PCED1B: variants seen among roughly 807,000 people sequenced by gnomAD.
PCED1B encodes PC-esterase domain-containing protein 1B.
For synonymous variants in PCED1B, 251 were observed against 246.1 expected, an observed-to-expected ratio of 1.02 and a Z score of -0.19; for missense variants, 573 against 573.9, an observed-to-expected ratio of 1.00 and a Z score of 0.02.
intron 2 of PCED1B, among the ~76,000 whole-genome samples, chr12:47,150,345 GCAGGAGGAT>G (rs1212373305): frequency 1.3e-5 from 2 of 152,022 alleles, no homozygotes; most frequent in African/African-American, 2.4e-5. Context: ...GGAGGTCAAG[GCAGGAGGAT>G]CATGAGGTCA....
chr12:47,192,472 T>A (rs1179950840), intron 2 of PCED1B, among the ~76,000 whole-genome samples: 1 of 152,202 alleles, frequency 6.6e-6, no homozygotes, highest in Non-Finnish European at 1.5e-5. Context: ...AAATGGTAAA[T>A]GATTTCATTC....
intron 1 of PCED1B, among the ~76,000 whole-genome samples, chr12:47,100,029 C>T (rs1024872587): frequency 1.3e-5 from 2 of 152,188 alleles, no homozygotes; most frequent in Admixed American, 1.3e-4. Context: ...GGAAAAAGGA[C>T]CATTCTCACA....
At chr12:47,195,069 C>T (rs1204235045) in intron 2 of PCED1B, among the ~76,000 whole-genome samples, 4 of 152,140 alleles carry the variant, frequency 2.6e-5, no homozygotes, top group Admixed American at 6.5e-5. Context: ...CGGTGGCTCA[C>T]GCCTATAATC....
At chr12:47,222,617 C>A (rs1435035145) in intron 3 of PCED1B, among the ~76,000 whole-genome samples, 1 of 152,024 alleles carries the variant, frequency 6.6e-6, no homozygotes, top group South Asian at 2.1e-4. Context: ...AGAAATGTGG[C>A]GGTGTCATGC....
At chr12:47,168,391 ATAT>A (rs1316258983) in intron 2 of PCED1B, among the ~76,000 whole-genome samples, 1 of 152,046 alleles carries the variant, frequency 6.6e-6, no homozygotes, top group Non-Finnish European at 1.5e-5. Context: ...TCAGTGTCTT[ATAT>A]TTGATTGTCT....
intron 2 of PCED1B, among the ~76,000 whole-genome samples, chr12:47,147,938 C>T (rs1451100985): frequency 6.6e-6 from 1 of 152,198 alleles, no homozygotes; most frequent in African/African-American, 2.4e-5. Context: ...CTTCTGGATA[C>T]CAATTTTCTT....
rs370732880 is a variant in PCED1B at position 47,235,279 on chromosome 12, C to T, written c.216C>T (p.Asn72=). 2.3e-5 allele frequency: 37 copies of T among 1,613,924 alleles called. No individual in the cohort carries two copies. The East Asian group carries it at 7.1e-4, about 31-fold the overall frequency. Residue 72 remains asparagine (N), a synonymous_variant, in exon 4 of 4, where the codon AAC becomes AAT. Coordinates refer to ENST00000546455, the MANE Select transcript of PCED1B (RefSeq NM_138371.3). ...VDGGQRGHMH[N]GLNYREVREF... ...GAGGCCAGCGGGGCCACATGCACAA[C>T]GGCCTTAACTACCGTGAGGTCCGCG...
intron 2 of PCED1B, among the ~76,000 whole-genome samples, chr12:47,111,825 G>A (rs989205564): frequency 9.2e-5 from 14 of 152,146 alleles, no homozygotes; most frequent in Non-Finnish European, 1.6e-4. Context: ...TTTATTTACA[G>A]ATCTTATTAG....
At chr12:47,111,503 G>A (rs1013981290) in intron 2 of PCED1B, among the ~76,000 whole-genome samples, 1 of 151,490 alleles carries the variant, frequency 6.6e-6, no homozygotes, top group Non-Finnish European at 1.5e-5. Flanking sequence ...TCACTTTATT[G>A]TGCCACTGTC....
At chr12:47,220,863 G>A (rs971217291) in intron 3 of PCED1B, among the ~76,000 whole-genome samples, 4 of 152,140 alleles carry the variant, frequency 2.6e-5, no homozygotes, top group African/African-American at 9.7e-5. Flanking sequence ...TTCAGTAACA[G>A]GAAAGGGTTG....
At position 47,156,242 on chromosome 12, in the gene PCED1B, GT is replaced by G. The variant is rs574146715; in HGVS notation, c.-526+52051del. Among the ~76,000 whole-genome samples the G allele has an allele frequency of 1.1e-4, 16 of 152,260 alleles. No homozygotes were observed. In the East Asian group the frequency reaches 3.1e-3, roughly 29 times the overall value. ...CAAAAATATAAAGCCTTGAGGTAGT[GT>G]TTTATCACTATTTATTATTGTATCC... On this transcript the variant is annotated intron_variant, in intron 2 of 3. Coordinates refer to ENST00000546455, the MANE Select transcript of PCED1B (RefSeq NM_138371.3).
At position 47,092,830 on chromosome 12, in the gene PCED1B, G is replaced by A. The variant is rs570164740; in HGVS notation, c.-608-11283G>A. Among the ~76,000 whole-genome samples the A allele has an allele frequency of 3.5e-3, 391 of 111,920 alleles. 4 individuals are homozygous for A. The highest frequency in any genetic ancestry group is 0.011 in the African/African-American group (379 of 34,536). The allele number at this position is 111,920 out of a possible 152,430, so 73.4% of individuals were successfully genotyped here. A position where few individuals can be genotyped will look rare whatever the true frequency, so the allele number is the denominator to read the frequency against. ...TATGTTTATGATTTTTGAATGGTAA[G>A]CCACACTTGTACACTTGGACTGAAC... On this transcript the variant is annotated intron_variant, in intron 1 of 3. Transcript: ENST00000546455.
At chr12:47,232,945 A>T (rs556470970) in intron 3 of PCED1B, among the ~76,000 whole-genome samples, 1 of 140,064 alleles carries the variant, frequency 7.1e-6, no homozygotes. Flanking sequence ...TTATTTATTT[A>T]ATTTATTTAG....
intron 2 of PCED1B, among the ~76,000 whole-genome samples, chr12:47,111,571 TA>T (rs997523884): frequency 1.9e-3 from 287 of 150,914 alleles, no homozygotes; most frequent in African/African-American, 5.2e-3. Flanking sequence ...CCAAACACAT[TA>T]AAAAAAAACC....
chr12:47,126,791 C>T (rs1168421207), intron 2 of PCED1B, among the ~76,000 whole-genome samples: 1 of 152,042 alleles, frequency 6.6e-6, no homozygotes, highest in African/African-American at 2.4e-5. Flanking sequence ...GCATAAAATT[C>T]TTCATAATAT....
At chr12:47,176,201 C>G (rs2137578044) in intron 2 of PCED1B, among the ~76,000 whole-genome samples, 1 of 152,178 alleles carries the variant, frequency 6.6e-6, no homozygotes, top group African/African-American at 2.4e-5. Context: ...GGTCTTTATC[C>G]TCAATTCCTG....
intron 1 of PCED1B, among the ~76,000 whole-genome samples, chr12:47,081,050 G>C (rs1468776638): frequency 4.6e-5 from 7 of 152,238 alleles, no homozygotes; most frequent in Non-Finnish European, 8.8e-5. Flanking sequence ...GAGACTATGA[G>C]GCTGATGAGC....
intron 2 of PCED1B, among the ~76,000 whole-genome samples, chr12:47,133,815 C>T (rs1363011025): frequency 1.3e-5 from 2 of 152,122 alleles, no homozygotes; most frequent in Non-Finnish European, 2.9e-5. Flanking sequence ...ACCCCTGATA[C>T]GATGGTATTA....
chr12:47,082,963 TAGA>T (rs1386650750), intron 1 of PCED1B, among the ~76,000 whole-genome samples: 1 of 150,474 alleles, frequency 6.6e-6, no homozygotes, highest in East Asian at 1.9e-4. Context: ...CAAGGGATAG[TAGA>T]ATGTGGCTTG....
Sources: gnomAD v4.1 joint callset for allele counts (sites outside exome capture counted in the v4.1 genomes callset) on GRCh38, gnomAD v4.1.1 for gene constraint, MANE v1.5 for transcripts, NCBI Gene and HGNC (gene_info 2026-07-23, HGNC 2026-07-21) for gene names.